The following USO1 variants were observed in gnomAD, a reference collection of about 807,000 sequenced individuals.
The protein encoded by USO1 is USO1 vesicle transport factor.
A neutral mutation model predicts 124.5 loss-of-function variants in USO1; 57 were observed. The ratio of observed to expected loss-of-function variants is 0.46; its 90% confidence interval spans 0.37 to 0.57. The LOEUF (loss-of-function observed/expected upper bound fraction) is 0.57. Among genes scored for constraint, USO1 ranks in the 20% least tolerant of loss-of-function variants. USO1 has a pLI of 0.00. For missense variants in USO1, 900 were observed against 1,040.6 expected, an observed-to-expected ratio of 0.86 and a Z score of 1.86; for synonymous variants, 369 against 362.8, an observed-to-expected ratio of 1.02 and a Z score of -0.19.
intron 1 of USO1, among the ~76,000 whole-genome samples, chr4:75,734,109 A>C (rs983307839): frequency 6.6e-6 from 1 of 151,450 alleles, no homozygotes; most frequent in South Asian, 2.1e-4. Context: ...CCACACCCAG[A>C]TAATTTTTGT....
intron 1 of USO1, among the ~76,000 whole-genome samples, chr4:75,733,579 G>A (rs1252734334): frequency 6.6e-6 from 1 of 152,192 alleles, no homozygotes; most frequent in Non-Finnish European, 1.5e-5. Flanking sequence ...ATTTAGTGGT[G>A]TGGAACATTT....
chr4:75,775,822 A>G (rs1722058639), intron 8 of USO1, among the ~76,000 whole-genome samples: 1 of 152,194 alleles, frequency 6.6e-6, no homozygotes, highest in African/African-American at 2.4e-5. Context: ...GAAGGAAATA[A>G]AAACAAGGGA....
At position 75,804,094 on chromosome 4, in the gene USO1, G is replaced by A. The variant is rs1722926551; in HGVS notation, c.1987-40G>A. The A allele has an allele frequency of 3.1e-6, 5 of 1,599,950 alleles. No individual in the cohort carries two copies. The East Asian group carries it at 1.1e-4, about 36-fold the overall frequency. On this transcript the variant is annotated intron_variant, in intron 17 of 23. Transcript: ENST00000514213. ...GTGTTCACCTTCTTAATGCTAACGAGTATGACTTTAAAACACATGAATTAT... is the reference window on the plus strand; with the variant it reads ...GTGTTCACCTTCTTAATGCTAACGAATATGACTTTAAAACACATGAATTAT...
chr4:75,813,271 T>C lies in USO1; in HGVS notation c.2865T>C (p.Pro955=). 1 of 1,611,294 alleles carries C rather than the reference T, an allele frequency of 6.2e-7. No individual in the cohort carries two copies. Among genetic ancestry groups the C allele is most frequent in the South Asian group, 1.1e-5 (1 of 90,430 alleles). The change falls in exon 24 of 24, where the codon CCT becomes CCC. Residue 955 remains proline, a synonymous_variant. Transcript: ENST00000514213. The part of the protein sequence containing the change: ...QEDEDDESED[P]GKDLDHI Reference sequence around the variant, plus strand: ...ATGAGGATGATGAAAGTGAAGATCCTGGCAAGGATCTAGATCATATCTAGT... The same window carrying C: ...ATGAGGATGATGAAAGTGAAGATCCCGGCAAGGATCTAGATCATATCTAGT...
chr4:75,798,965 TG>T (rs1204159938), intron 13 of USO1, among the ~76,000 whole-genome samples: 1 of 152,180 alleles, frequency 6.6e-6, no homozygotes, highest in Non-Finnish European at 1.5e-5. Context: ...TTGCTGGATA[TG>T]CTAATTTTCA....
chr4:75,785,348 ATATTT>A (rs1722330153), intron 9 of USO1, among the ~76,000 whole-genome samples: 1 of 152,078 alleles, frequency 6.6e-6, no homozygotes, highest in Non-Finnish European at 1.5e-5. Context: ...TAGTTATAAA[ATATTT>A]TATTTTTTTA....
intron 18 of USO1, chr4:75,804,899 A>G (rs1263878869): frequency 5.6e-6 from 2 of 357,338 alleles, no homozygotes; most frequent in Non-Finnish European, 9.9e-6. Flanking sequence ...TGTAATTCTT[A>G]ATCATAGATC....
chr4:75,770,446 T>G lies in USO1; in HGVS notation c.303T>G (p.Asn101Lys). Reference protein sequence around the residue: ...SNEEEEEVEENSTRQSEDLGS... With the variant: ...SNEEEEEVEEKSTRQSEDLGS... ...TATTTTTGAATATTACAGAAGAAAA[T>G]TCCACAAGACAGAGTGAAGATTTGG... The change falls in exon 5 of 24, where the codon AAT (asparagine) becomes AAG (lysine). Residue 101 changes from asparagine to lysine, a missense_variant. Asn to Lys is a moderately conservative substitution (Grantham distance 94). Coordinates refer to ENST00000514213, the MANE Select transcript of USO1 (RefSeq NM_003715.4). 1 of 1,552,630 alleles carries G rather than the reference T, an allele frequency of 6.4e-7. No individual in the cohort carries two copies. The highest frequency in any genetic ancestry group is 1.3e-5 in the South Asian group (1 of 79,152).
intron 1 of USO1, among the ~76,000 whole-genome samples, chr4:75,746,600 A>G (rs1311062618): frequency 6.6e-6 from 1 of 152,252 alleles, no homozygotes; most frequent in East Asian, 1.9e-4. Flanking sequence ...TTTGGAACAT[A>G]AGTAATATGT....
At chr4:75,736,129 C>G (rs144359139) in intron 1 of USO1, among the ~76,000 whole-genome samples, 2 of 152,118 alleles carry the variant, frequency 1.3e-5, no homozygotes, top group East Asian at 3.9e-4. Context: ...TCTCTTTACT[C>G]CTGTCACCAA....
chr4:75,803,100 A>C lies in USO1; in HGVS notation c.1987-1034A>C, dbSNP rs559128733. Among the ~76,000 whole-genome samples, 188 of 148,460 alleles carry C rather than the reference A, an allele frequency of 1.3e-3. 1 individual carries two copies. The highest frequency in any genetic ancestry group is 4.4e-3 in the African/African-American group (181 of 40,750). ...GAAACTCTGTCTCAAAAAAAAAAAA[A>C]CCCAAGAAAAAAAGAAAGAAAGAAA... On this transcript the variant is annotated intron_variant, in intron 17 of 23. Transcript: ENST00000514213.
intron 4 of USO1, chr4:75,767,545 C>T (rs937650845): frequency 2.6e-6 from 1 of 378,980 alleles, no homozygotes; most frequent in South Asian, 1.9e-5. Context: ...GAGATGGAGA[C>T]CATCCTGGCT....
chr4:75,756,042 C>T lies in USO1; in HGVS notation c.219-1455C>T, dbSNP rs373551326. 2.3e-4 allele frequency among the ~76,000 whole-genome samples: 35 copies of T among 151,724 alleles called. No individual in the cohort carries two copies. The East Asian group carries it at 6.2e-3, about 27-fold the overall frequency. On this transcript the variant is annotated intron_variant, in intron 3 of 23. Transcript: ENST00000514213. The stretch of plus-strand genomic sequence containing the variant: ...AAAATTAGCCGGGAGTGGTGGCGGG[C>T]GCCTGTAGTCCCAGCTACTCAGGAG...
intron 19 of USO1, among the ~76,000 whole-genome samples, chr4:75,805,945 G>C (rs1267132989): frequency 6.6e-6 from 1 of 152,006 alleles, no homozygotes; most frequent in South Asian, 2.1e-4. Flanking sequence ...CCATATGAAC[G>C]CAGGTAAATG....
intron 13 of USO1, among the ~76,000 whole-genome samples, chr4:75,798,896 A>G (rs1722764735): frequency 6.6e-6 from 1 of 152,300 alleles, no homozygotes; most frequent in African/African-American, 2.4e-5. Flanking sequence ...ATTGTGAACT[A>G]AGAGAATATT....
chr4:75,773,208 G>A (rs1032708727), intron 7 of USO1, among the ~76,000 whole-genome samples: 1 of 152,088 alleles, frequency 6.6e-6, no homozygotes, highest in Non-Finnish European at 1.5e-5. Flanking sequence ...ATTTGAGACA[G>A]ACAAATAAGT....
At chr4:75,726,965 A>G (rs560184912) in intron 1 of USO1, among the ~76,000 whole-genome samples, 2 of 152,368 alleles carry the variant, frequency 1.3e-5, no homozygotes, top group African/African-American at 4.8e-5. Context: ...AATGAGGAAA[A>G]TGCCTGCTTT....
At chr4:75,795,934 GTTTT>G (rs1219817444) in intron 13 of USO1, among the ~76,000 whole-genome samples, 1 of 151,806 alleles carries the variant, frequency 6.6e-6, no homozygotes. Context: ...GTTTTGTTTT[GTTTT>G]GTTTTGTTTT....
At chr4:75,767,453 T>A (rs185632912) in intron 4 of USO1, 1 of 447,218 alleles carries the variant, frequency 2.2e-6, no homozygotes, top group African/African-American at 2.0e-5. Flanking sequence ...TTTAAAAGTT[T>A]GTAACTCTTG....
Sources: gnomAD v4.1 joint callset for allele counts (sites outside exome capture counted in the v4.1 genomes callset) on GRCh38, gnomAD v4.1.1 for gene constraint, MANE v1.5 for transcripts, NCBI Gene and HGNC (gene_info 2026-07-23, HGNC 2026-07-21) for gene names.